DPP10: variants seen among roughly 807,000 people sequenced by gnomAD.
DPP10 encodes the protein inactive dipeptidyl peptidase 10.
Under a neutral mutation model 120.9 loss-of-function variants are expected in DPP10, and 33 were observed. That is an observed-to-expected ratio of 0.27 (90% CI 0.21 to 0.37). The LOEUF is 0.37. Ranked by LOEUF, DPP10 falls within the 10% of genes least tolerant of loss-of-function variation. DPP10 has a pLI of 1.00. For missense variants in DPP10, 816 were observed against 942.8 expected (o/e 0.87, Z 1.76); for synonymous variants, 337 against 326.1 (o/e 1.03, Z -0.36).
intron 1 of DPP10, among the ~76,000 whole-genome samples, chr2:114,945,731 G>T (rs371459665): frequency 6.6e-6 from 1 of 152,092 alleles, no homozygotes; most frequent in Non-Finnish European, 1.5e-5. Flanking sequence ...TGGGAGAATC[G>T]CTTGAACCCA....
intron 1 of DPP10, among the ~76,000 whole-genome samples, chr2:114,741,454 G>T (rs1288500345): frequency 6.6e-6 from 1 of 152,102 alleles, no homozygotes; most frequent in Non-Finnish European, 1.5e-5. Context: ...AAAATTCTTG[G>T]AGGAGAGTTC....
At chr2:115,815,848 A>G (rs1055467809) in intron 21 of DPP10, 119 bp downstream of exon 21, 21 of 1,036,282 alleles carry the variant, frequency 2.0e-5, no homozygotes, top group African/African-American at 1.4e-4. Flanking sequence ...CTGGGATTCC[A>G]TACTTATTAA....
intron 5 of DPP10, among the ~76,000 whole-genome samples, chr2:115,527,249 A>G (rs1255643418): frequency 6.6e-6 from 1 of 152,122 alleles, no homozygotes; most frequent in Admixed American, 6.6e-5. Context: ...TTGTTGGCAA[A>G]GGTGCACAAG....
intron 1 of DPP10, among the ~76,000 whole-genome samples, chr2:114,547,289 C>T (rs1687494377): frequency 6.6e-6 from 1 of 152,208 alleles, no homozygotes; most frequent in South Asian, 2.1e-4. Flanking sequence ...TTTGCTGCTC[C>T]TCCACTCCTG....
intron 1 of DPP10, among the ~76,000 whole-genome samples, chr2:114,615,038 T>C (rs1427988133): frequency 6.6e-6 from 1 of 152,172 alleles, no homozygotes; most frequent in East Asian, 1.9e-4. Flanking sequence ...TCTACAGCTG[T>C]AATTTATTAG....
intron 1 of DPP10, among the ~76,000 whole-genome samples, chr2:114,953,361 C>G (rs972913648): frequency 6.6e-6 from 1 of 151,970 alleles, no homozygotes; most frequent in African/African-American, 2.4e-5. Flanking sequence ...TTCAAATGTC[C>G]TATAAACCAA....
intron 5 of DPP10, among the ~76,000 whole-genome samples, chr2:115,655,456 A>C (rs1277742479): frequency 6.6e-6 from 1 of 151,688 alleles, no homozygotes; most frequent in Non-Finnish European, 1.5e-5. Context: ...TAAAAATGAA[A>C]TCATTTTATA....
At chr2:114,481,715 C>T (rs758336616) in intron 1 of DPP10, among the ~76,000 whole-genome samples, 2 of 152,010 alleles carry the variant, frequency 1.3e-5, no homozygotes, top group South Asian at 2.1e-4. Context: ...TGTATTAGTC[C>T]GTTTTCACAC....
At chr2:115,738,135 C>T (rs993096509) in intron 8 of DPP10, among the ~76,000 whole-genome samples, 1 of 152,140 alleles carries the variant, frequency 6.6e-6, no homozygotes, top group Non-Finnish European at 1.5e-5. Flanking sequence ...CCCAATCCAT[C>T]GTTATGAATA....
chr2:115,171,740 C>G (rs1256140455), intron 1 of DPP10, among the ~76,000 whole-genome samples: 2 of 149,154 alleles, frequency 1.3e-5, no homozygotes, highest in Non-Finnish European at 3.0e-5. Context: ...AAAAAAAAAA[C>G]AAGTTTTAAA....
chr2:115,020,276 A>C (rs1055646372), intron 1 of DPP10, among the ~76,000 whole-genome samples: 1 of 152,176 alleles, frequency 6.6e-6, no homozygotes, highest in Non-Finnish European at 1.5e-5. Context: ...CACCTAACAC[A>C]TAAGGACTCA....
intron 5 of DPP10, among the ~76,000 whole-genome samples, chr2:115,645,600 C>T (rs560658530): frequency 2.6e-5 from 4 of 152,266 alleles, no homozygotes; most frequent in African/African-American, 9.6e-5. Flanking sequence ...CTCCCCCTTA[C>T]TAAGCCATCA....
At chr2:115,382,306 G>T (rs1409082884) in intron 3 of DPP10, among the ~76,000 whole-genome samples, 1 of 152,174 alleles carries the variant, frequency 6.6e-6, no homozygotes, top group African/African-American at 2.4e-5. Flanking sequence ...ATTAGGGTGG[G>T]AGTGACCTGA....
intron 1 of DPP10, among the ~76,000 whole-genome samples, chr2:114,813,870 A>G (rs931760056): frequency 6.6e-6 from 1 of 151,736 alleles, no homozygotes; most frequent in Non-Finnish European, 1.5e-5. Context: ...CCTAGTAACA[A>G]TAGCTGGGAG....
At chr2:115,598,397 A>T (rs1046553278) in intron 5 of DPP10, among the ~76,000 whole-genome samples, 1 of 151,896 alleles carries the variant, frequency 6.6e-6, no homozygotes, top group East Asian at 1.9e-4. Flanking sequence ...AATTACTTGA[A>T]TATATTTTTA....
chr2:115,533,704 A>C (rs2078615007), intron 5 of DPP10, among the ~76,000 whole-genome samples: 1 of 152,024 alleles, frequency 6.6e-6, no homozygotes. Context: ...AATATTTCAA[A>C]AAATACAAAC....
intron 1 of DPP10, among the ~76,000 whole-genome samples, chr2:114,533,319 C>T (rs1686200547): frequency 1.3e-5 from 2 of 152,168 alleles, no homozygotes; most frequent in African/African-American, 4.8e-5. Flanking sequence ...ATGTCTTGTT[C>T]TTTGTTGGCT....
intron 4 of DPP10, among the ~76,000 whole-genome samples, chr2:115,523,855 T>C (rs1014110628): frequency 3.3e-5 from 5 of 152,142 alleles, no homozygotes; most frequent in Non-Finnish European, 4.4e-5. Flanking sequence ...TGATCAGTGG[T>C]AGCTGCTAAT....
At chr2:115,801,986 T>G (rs1437751546) in intron 19 of DPP10, among the ~76,000 whole-genome samples, 2 of 152,052 alleles carry the variant, frequency 1.3e-5, no homozygotes, top group Non-Finnish European at 2.9e-5. Flanking sequence ...TTCTATTGAT[T>G]GGAATAGTTT....
Sources: allele counts gnomAD v4.1 joint callset (sites outside exome capture counted in the v4.1 genomes callset), GRCh38; gene constraint gnomAD v4.1.1; transcripts MANE v1.5; gene names NCBI Gene and HGNC (gene_info 2026-07-23, HGNC 2026-07-21).